MAP4K3: variants seen among roughly 807,000 people sequenced by gnomAD.
MAP4K3 encodes mitogen-activated protein kinase kinase kinase kinase 3.
In MAP4K3, 94 loss-of-function variants were observed where a neutral mutation model predicts 143.5. The observed-to-expected ratio is 0.65, with a 90% CI of 0.55 to 0.78. The LOEUF is 0.78. Among genes scored for constraint, MAP4K3 ranks in the 30% least tolerant of loss-of-function variants. The probability of loss-of-function intolerance (pLI) is 0.00; values close to 1 mark genes in which losing one functional copy is unlikely to be tolerated. For synonymous variants in MAP4K3, 416 were observed against 347.2 expected (o/e 1.20, Z -2.20); for missense variants, 1,077 against 1,068.1 (o/e 1.01, Z -0.12).
intron 1 of MAP4K3, among the ~76,000 whole-genome samples, chr2:39,419,471 T>A (rs1572509251): frequency 6.6e-6 from 1 of 152,166 alleles, no homozygotes; most frequent in African/African-American, 2.4e-5. Flanking sequence ...CATAGCGCGA[T>A]AGAAACAGCT....
chr2:39,254,204 G>A (rs1183668173), intron 32 of MAP4K3, among the ~76,000 whole-genome samples: 1 of 152,166 alleles, frequency 6.6e-6, no homozygotes, highest in Non-Finnish European at 1.5e-5. Flanking sequence ...AGATTAGCAA[G>A]TTCTTGTTCT....
At chr2:39,328,409 G>A (rs1021011509) in intron 8 of MAP4K3, among the ~76,000 whole-genome samples, 1 of 152,144 alleles carries the variant, frequency 6.6e-6, no homozygotes, top group African/African-American at 2.4e-5. Flanking sequence ...AATTTCTAAA[G>A]ATGAGCCAAA....
At chr2:39,382,495 C>T (rs560089177) in intron 1 of MAP4K3, among the ~76,000 whole-genome samples, 47 of 152,278 alleles carry the variant, frequency 3.1e-4, no homozygotes, top group Admixed American at 1.8e-3. Flanking sequence ...TCTTCCTGAC[C>T]CCTCTGCCCA....
At chr2:39,366,631 T>A (rs773391323) in intron 2 of MAP4K3, among the ~76,000 whole-genome samples, 4 of 152,178 alleles carry the variant, frequency 2.6e-5, no homozygotes, top group Non-Finnish European at 5.9e-5. Flanking sequence ...TTTGGCCCAG[T>A]GGAGGGGTTC....
At chr2:39,269,106 A>G (rs550347729) in intron 26 of MAP4K3, among the ~76,000 whole-genome samples, 497 of 67,346 alleles carry the variant, frequency 7.4e-3, no homozygotes, top group Non-Finnish European at 0.015. Context: ...AGTGCTCTGT[A>G]CAAGTCTTTT....
intron 1 of MAP4K3, among the ~76,000 whole-genome samples, chr2:39,428,747 T>C (rs1038176360): frequency 1.3e-5 from 2 of 151,792 alleles, no homozygotes; most frequent in African/African-American, 4.8e-5. Context: ...TTTGCCTGTT[T>C]CCCTTTCATT....
intron 15 of MAP4K3, among the ~76,000 whole-genome samples, chr2:39,302,022 C>CA (rs1251523156): frequency 6.9e-6 from 1 of 144,418 alleles, no homozygotes; most frequent in Non-Finnish European, 1.5e-5. Flanking sequence ...GACTCTGTCT[C>CA]AAAAAATAAT....
At chr2:39,311,744 C>G (rs1397658739) in intron 13 of MAP4K3, among the ~76,000 whole-genome samples, 1 of 152,346 alleles carries the variant, frequency 6.6e-6, no homozygotes, top group East Asian at 1.9e-4. Flanking sequence ...GACTCCAGCC[C>G]TAGCTGATAT....
At chr2:39,303,654 T>A (rs1030002338) in intron 15 of MAP4K3, among the ~76,000 whole-genome samples, 8 of 152,178 alleles carry the variant, frequency 5.3e-5, no homozygotes, top group African/African-American at 1.9e-4. Context: ...TTCTCCTGCC[T>A]CAGCCTTCCA....
intron 13 of MAP4K3, 122 bp downstream of exon 13, chr2:39,315,188 T>C: frequency 1.6e-6 from 1 of 606,996 alleles, no homozygotes; most frequent in South Asian, 2.8e-5. Flanking sequence ...TAATTAAACT[T>C]TACCTTTAAC....
chr2:39,349,898 A>G (rs1393943101), intron 3 of MAP4K3, among the ~76,000 whole-genome samples: 5 of 152,230 alleles, frequency 3.3e-5, no homozygotes, highest in African/African-American at 1.2e-4. Context: ...TGATCTATAG[A>G]AAATATCCTA....
At chr2:39,403,722 T>G (rs1038306358) in intron 1 of MAP4K3, among the ~76,000 whole-genome samples, 1 of 151,700 alleles carries the variant, frequency 6.6e-6, no homozygotes, top group African/African-American at 2.4e-5. Flanking sequence ...GCCAGTGGAC[T>G]TGGGGGGCAT....
intron 2 of MAP4K3, among the ~76,000 whole-genome samples, chr2:39,375,403 T>C (rs968347453): frequency 1.6e-4 from 25 of 152,146 alleles, no homozygotes; most frequent in African/African-American, 5.3e-4. Context: ...TATTACATGA[T>C]GCTACAACAA....
Position 39,286,878 on chromosome 2 carries a change from A to T in MAP4K3, c.1561T>A (p.Ser521Thr). 6.2e-7 allele frequency: 1 copy of T among 1,606,938 alleles called. No homozygotes were observed. Among genetic ancestry groups the T allele is most frequent in the East Asian group, 2.2e-5 (1 of 44,672 alleles). ...QQNEHRGTNL[S>T]RKEKKDVPKP... ...GGTACATCTTTCTTTTCTTTTCTTG[A>T]AAGGTTTGTGCCTCTATGTTCATTC... The change falls in exon 21 of 34, where the codon TCA (serine) becomes ACA (threonine). Residue 521 changes from serine (S) to threonine (T), a missense_variant. By Grantham distance (58) the Ser-to-Thr change is moderately conservative. Around this residue, in one of 2 missense-constraint regions of MAP4K3, gnomAD observed 864 missense variants for 801.2 expected, o/e 1.08. Transcript: ENST00000263881.
intron 2 of MAP4K3, among the ~76,000 whole-genome samples, chr2:39,356,790 C>T (rs1397366704): frequency 1.3e-5 from 2 of 152,212 alleles, no homozygotes; most frequent in African/African-American, 2.4e-5. Context: ...ATGCCTTGGA[C>T]ATAATCATCG....
chr2:39,250,108 A>G lies in MAP4K3; in HGVS notation c.*510T>C, dbSNP rs1470007381. 2.6e-5 allele frequency: 4 copies of G among 152,676 alleles called. No homozygotes were observed. Among genetic ancestry groups the G allele is most frequent in the Admixed American group, 6.5e-5 (1 of 15,284 alleles). 9.5% of individuals were successfully genotyped at this position (152,676 alleles called of 1,614,324 possible). ...TGATTACAGCCTCCATTACAATTTT[A>G]AAAGTTACAAGATTTATATTCATAT... On this transcript the variant is annotated 3_prime_UTR_variant, in exon 34 of 34. Coordinates refer to ENST00000263881, the MANE Select transcript of MAP4K3 (RefSeq NM_003618.4).
rs185917031 is a variant in MAP4K3 at position 39,269,968 on chromosome 2, G to A, written c.1973+2315C>T. On this transcript the variant is annotated intron_variant, in intron 26 of 33. Transcript: ENST00000263881. ...AACAAAAACTCCCCACACTCTTAAC[G>A]AATCTGCTTTGAACCAAAGCGCTTT... Among the ~76,000 whole-genome samples, 32 of 152,146 alleles carry A rather than the reference G, an allele frequency of 2.1e-4. No individual in the cohort carries two copies. The East Asian group carries it at 4.6e-3, about 22-fold the overall frequency.
chr2:39,377,981 AT>A, intron 2 of MAP4K3, 84 bp downstream of exon 2: 1 of 825,310 alleles, frequency 1.2e-6, no homozygotes, highest in Non-Finnish European at 2.0e-6. Flanking sequence ...AAACAAGAGA[AT>A]GTTAACCAAA....
intron 12 of MAP4K3, among the ~76,000 whole-genome samples, chr2:39,324,540 T>A (rs964189555): frequency 6.6e-6 from 1 of 152,250 alleles, no homozygotes; most frequent in Non-Finnish European, 1.5e-5. Flanking sequence ...ATAGCTTATC[T>A]ATCATAAGAT....
Sources: allele counts gnomAD v4.1 joint callset (sites outside exome capture counted in the v4.1 genomes callset), GRCh38; gene constraint gnomAD v4.1.1; regional missense constraint gnomAD v4.1.1; transcripts MANE v1.5; gene names NCBI Gene and HGNC (gene_info 2026-07-23, HGNC 2026-07-21).